The following SLC8A3 variants were observed in gnomAD, a reference collection of about 807,000 sequenced individuals.
The protein encoded by SLC8A3 is sodium/calcium exchanger 3.
A neutral mutation model predicts 65.4 loss-of-function variants in SLC8A3; 37 were observed. The observed-to-expected ratio is 0.57, with a 90% CI of 0.44 to 0.74. SLC8A3 has a LOEUF of 0.74. SLC8A3 is among the 30% of genes least tolerant of loss of function. The pLI, the probability that SLC8A3 is intolerant of heterozygous loss-of-function variation, is 0.00. For missense variants in SLC8A3, 1,112 were observed against 1,172.1 expected, an observed-to-expected ratio of 0.95 and a Z score of 0.75; for synonymous variants, 461 against 444.5, an observed-to-expected ratio of 1.04 and a Z score of -0.47.
intron 2 of SLC8A3, among the ~76,000 whole-genome samples, chr14:70,159,583 T>C (rs1044559572): frequency 3.9e-5 from 6 of 152,140 alleles, no homozygotes; most frequent in African/African-American, 1.4e-4. Context: ...TTTGGGAAGT[T>C]GATGAAAAGT....
chr14:70,148,213 G>A (rs980668463), intron 2 of SLC8A3, among the ~76,000 whole-genome samples: 7 of 152,250 alleles, frequency 4.6e-5, no homozygotes, highest in East Asian at 1.9e-4. Flanking sequence ...TGATCAAGTA[G>A]GCTAAGCTAA....
In SLC8A3 at chr14:70,098,718, G is replaced by C. The variant is rs112724304; in HGVS notation, c.1785-37779C>G. ...CAAAGGAAACCACAGCTTCTGCCAG[G>C]CTAAAGACAAATATTTACCACTAGA... is the stretch of plus-strand genomic sequence containing the variant. On this transcript the variant is annotated intron_variant, in intron 2 of 6. Coordinates refer to ENST00000356921, the MANE Select transcript of SLC8A3 (RefSeq NM_182932.3). Among the ~76,000 whole-genome samples the C allele has an allele frequency of 3.7e-3, 570 of 152,292 alleles. 4 individuals carry two copies. The highest frequency in any genetic ancestry group is 0.013 in the African/African-American group (543 of 41,548).
chr14:70,057,058 G>C (rs752309755), intron 3 of SLC8A3, among the ~76,000 whole-genome samples: 1 of 152,214 alleles, frequency 6.6e-6, no homozygotes, highest in Non-Finnish European at 1.5e-5. Context: ...GGGGAACCAG[G>C]GGGGACATGT....
rs369177585 is a variant in SLC8A3, at chr14:70,060,893, G to C, written c.1831C>G (p.Gln611Glu). 1.4e-5 allele frequency: 22 copies of C among 1,527,688 alleles called. No homozygotes were observed. Among genetic ancestry groups the C allele is most frequent in the Non-Finnish European group, 1.9e-5 (22 of 1,141,542 alleles). 94.6% of individuals were successfully genotyped at this position (1,527,688 alleles called of 1,614,324 possible). Residue 611 changes from glutamine to glutamate, a missense_variant, in exon 3 of 7, where the codon CAA becomes GAA. Gln to Glu is a conservative substitution (Grantham distance 29). Coordinates refer to ENST00000356921, the MANE Select transcript of SLC8A3 (RefSeq NM_182932.3). Reference sequence around the variant, plus strand: ...CCAAGGGCAATGAAGAAATTCTCTTGCCTTTCGTATTCCTCCTCATCTACT... The same window carrying C: ...CCAAGGGCAATGAAGAAATTCTCTTCCCTTTCGTATTCCTCCTCATCTACT... ...KIVDEEEYER[Q>E]ENFFIALGEP...
At chr14:70,067,435 C>A (rs1024395703) in intron 2 of SLC8A3, among the ~76,000 whole-genome samples, 1 of 152,172 alleles carries the variant, frequency 6.6e-6, no homozygotes, top group Non-Finnish European at 1.5e-5. Flanking sequence ...AAGGACTAAC[C>A]AGACCCCACC....
intron 2 of SLC8A3, among the ~76,000 whole-genome samples, chr14:70,091,840 T>C (rs1046058647): frequency 6.6e-6 from 1 of 152,170 alleles, no homozygotes. Flanking sequence ...CTCACCATCA[T>C]CCTCACAATT....
chr14:70,176,650 C>T (rs769046259), intron 1 of SLC8A3, among the ~76,000 whole-genome samples: 34 of 152,222 alleles, frequency 2.2e-4, no homozygotes, highest in Admixed American at 3.9e-4. Flanking sequence ...CATTTCTATG[C>T]GCTGGACAAA....
chr14:70,049,172 G>A (rs1439722604), intron 5 of SLC8A3, 130 bp from the exon 6 acceptor site: 3 of 932,772 alleles, frequency 3.2e-6, no homozygotes, highest in Non-Finnish European at 4.8e-6. Context: ...CTGGGCAGCT[G>A]GTGGGGGCCA....
chr14:70,123,947 G>T (rs984646279), intron 2 of SLC8A3, among the ~76,000 whole-genome samples: 2 of 151,964 alleles, frequency 1.3e-5, no homozygotes, highest in Non-Finnish European at 2.9e-5. Flanking sequence ...CCAGGCTCCG[G>T]TCCCCCAGGG....
chr14:70,121,074 GACA>G (rs1349737850), intron 2 of SLC8A3, among the ~76,000 whole-genome samples: 4 of 152,118 alleles, frequency 2.6e-5, no homozygotes, highest in African/African-American at 7.2e-5. Flanking sequence ...TCTGCAACAT[GACA>G]ACAATTCAGA....
chr14:70,048,401 T>C, intron 6 of SLC8A3: 1 of 566,430 alleles, frequency 1.8e-6, no homozygotes, highest in Non-Finnish European at 3.1e-6. Flanking sequence ...ATGTGGAGGT[T>C]AAGAAATTGG....
At chr14:70,128,887 G>A (rs1894649620) in intron 2 of SLC8A3, among the ~76,000 whole-genome samples, 1 of 152,188 alleles carries the variant, frequency 6.6e-6, no homozygotes, top group African/African-American at 2.4e-5. Flanking sequence ...GTGCCTCAAT[G>A]TAGGATGTCT....
At chr14:70,112,422 A>G in intron 2 of SLC8A3, among the ~76,000 whole-genome samples, 1 of 152,202 alleles carries the variant, frequency 6.6e-6, no homozygotes, top group Admixed American at 6.5e-5. Context: ...GAGGCATGAA[A>G]GCCTTGCCAC....
chr14:70,151,655 C>T (rs1318814158), intron 2 of SLC8A3, among the ~76,000 whole-genome samples: 3 of 152,314 alleles, frequency 2.0e-5, no homozygotes, highest in East Asian at 3.9e-4. Flanking sequence ...TGTGACAAAT[C>T]GCCACAAACG....
Position 70,166,693 on chromosome 14 carries a change from C to T in SLC8A3, c.1730G>A (p.Gly577Asp), listed in dbSNP as rs1156896534. The change falls in exon 2 of 7, where the codon GGT becomes GAT. Residue 577 changes from glycine (G) to aspartate (D), a missense_variant. Gly to Asp is a moderately conservative substitution (Grantham distance 94). Coordinates refer to ENST00000356921, the MANE Select transcript of SLC8A3 (RefSeq NM_182932.3). Reference sequence around the variant, plus strand: ...CCCATATGTGTCTTCAAAGTCCTCACCGCCACCCTTGGCTGTCCCTTCTAC... The same window carrying T: ...CCCATATGTGTCTTCAAAGTCCTCATCGCCACCCTTGGCTGTCCCTTCTAC... ...RTVEGTAKGG[G>D]EDFEDTYGEL... is the part of the protein sequence containing the mutation. The T allele has an allele frequency of 5.0e-6, 8 of 1,613,298 alleles. No homozygotes were observed. Among genetic ancestry groups the T allele is most frequent in the Non-Finnish European group, 6.8e-6 (8 of 1,179,646 alleles).
At position 70,178,362 on chromosome 14, in the gene SLC8A3, C is replaced by T. The variant is rs1320981145; in HGVS notation, c.-62-9878G>A. The stretch of plus-strand genomic sequence containing the variant: ...TGCACTGATGAAGCAGGTCTGGTTC[C>T]CCCTCGGGAGTGACACACAGAAAGG... On this transcript the variant is annotated intron_variant, in intron 1 of 6. Coordinates refer to ENST00000356921, the MANE Select transcript of SLC8A3 (RefSeq NM_182932.3). Among the ~76,000 whole-genome samples, 4 of 152,128 alleles carry T rather than the reference C, an allele frequency of 2.6e-5. No homozygotes were observed. The East Asian group carries it at 7.7e-4, about 29-fold the overall frequency.
chr14:70,092,152 C>T (rs1036971998), intron 2 of SLC8A3, among the ~76,000 whole-genome samples: 2 of 152,178 alleles, frequency 1.3e-5, no homozygotes, highest in Non-Finnish European at 2.9e-5. Context: ...TCCTTCGTGT[C>T]CCTTGGCCTC....
At chr14:70,120,085 G>T (rs1893950415) in intron 2 of SLC8A3, among the ~76,000 whole-genome samples, 1 of 152,306 alleles carries the variant, frequency 6.6e-6, no homozygotes, top group East Asian at 1.9e-4. Flanking sequence ...GAGCAACTCT[G>T]CCATCCCTGA....
chr14:70,159,324 G>T (rs1035665499), intron 2 of SLC8A3, among the ~76,000 whole-genome samples: 48 of 150,344 alleles, frequency 3.2e-4, no homozygotes, highest in Non-Finnish European at 7.4e-5. Flanking sequence ...CATGAGAATC[G>T]CTTGAACTCG....
Sources: allele counts gnomAD v4.1 joint callset (sites outside exome capture counted in the v4.1 genomes callset), GRCh38; gene constraint gnomAD v4.1.1; transcripts MANE v1.5; gene names NCBI Gene and HGNC (gene_info 2026-07-23, HGNC 2026-07-21).